The following RTN4IP1 variants were observed in gnomAD, a reference collection of about 807,000 sequenced individuals.
RTN4IP1 encodes reticulon 4 interacting protein 1, also known as NAD(P)H oxidoreductase RTN4IP1, mitochondrial.
In RTN4IP1, 32 loss-of-function variants were observed where a neutral mutation model predicts 46.6. That is an observed-to-expected ratio of 0.69 (90% CI 0.52 to 0.92). The LOEUF is 0.92. Among genes scored for constraint, RTN4IP1 ranks in the 40% least tolerant of loss-of-function variants. RTN4IP1 has a pLI of 0.00. For synonymous variants in RTN4IP1, 167 were observed against 161.8 expected, an observed-to-expected ratio of 1.03 and a Z score of -0.24; for missense variants, 424 against 485.8, an observed-to-expected ratio of 0.87 and a Z score of 1.20.
At chr6:106,580,646 G>C (rs1775344320) in intron 8 of RTN4IP1, among the ~76,000 whole-genome samples, 1 of 150,224 alleles carries the variant, frequency 6.7e-6, no homozygotes, top group Non-Finnish European at 1.5e-5. Context: ...TTGTACCCGG[G>C]AAGTGGAGGT....
intron 2 of RTN4IP1, among the ~76,000 whole-genome samples, chr6:106,621,797 G>GAGAC (rs2114680569): frequency 1.3e-5 from 2 of 152,256 alleles, no homozygotes; most frequent in South Asian, 4.1e-4. Context: ...TATTAGCTAT[G>GAGAC]AGACCTCTTT....
intron 5 of RTN4IP1, among the ~76,000 whole-genome samples, chr6:106,597,631 C>T (rs992802896): frequency 1.1e-4 from 16 of 151,738 alleles, no homozygotes; most frequent in African/African-American, 3.6e-4. Context: ...GGGTGAGCCA[C>T]TGTGCCCAGC....
chr6:106,624,946 A>AAAAAAGAAAAAGAAAAAG lies in RTN4IP1; in HGVS notation c.275-1995_275-1978dup, dbSNP rs200539847. Among the ~76,000 whole-genome samples the AAAAAAGAAAAAGAAAAAG allele has an allele frequency of 3.8e-5, 5 of 133,152 alleles. No homozygotes were observed. The East Asian group carries it at 8.8e-4, about 23-fold the overall frequency. 87.4% of individuals were successfully genotyped at this position (133,152 alleles called of 152,430 possible). A position where few individuals can be genotyped will look rare whatever the true frequency, so the allele number is the denominator to read the frequency against. ...GCAAAGCTCTGTCTCAAAAAAAAAA[A>AAAAAAGAAAAAGAAAAAG]AAAAAGAAAAAGAAAAAGAAAAAGA... On this transcript the variant is annotated intron_variant, in intron 1 of 8. Coordinates refer to ENST00000369063, the MANE Select transcript of RTN4IP1 (RefSeq NM_032730.5).
At position 106,572,020 on chromosome 6, in the gene RTN4IP1, T is replaced by C; in HGVS notation, c.1167A>G (p.Gly389=). The C allele has an allele frequency of 6.2e-7, 1 of 1,613,092 alleles. No individual in the cohort carries two copies. Among genetic ancestry groups the C allele is most frequent in the South Asian group, 1.1e-5 (1 of 91,064 alleles). Residue 389 remains glycine (G), a synonymous_variant, in exon 9 of 9, where the codon GGA becomes GGG. Transcript: ENST00000369063. The stretch of plus-strand genomic sequence containing the variant: ...TTTAAACAACATTAATTACAGTCTT[T>C]CCTCGTGCGTGTCCTCTTTCCACCT... ...FLKVERGHAR[G]KTVINVV is the part of the protein sequence containing the mutation.
chr6:106,575,440 G>A (rs548086888), intron 8 of RTN4IP1, among the ~76,000 whole-genome samples: 14 of 152,226 alleles, frequency 9.2e-5, no homozygotes, highest in Admixed American at 8.5e-4. Context: ...TAGGGACGAC[G>A]GGAACCTTAA....
chr6:106,583,514 A>C, intron 7 of RTN4IP1, 94 bp from the exon 8 acceptor site: 1 of 948,314 alleles, frequency 1.1e-6, no homozygotes, highest in African/African-American at 1.6e-5. Context: ...GATGACTACA[A>C]CAAACTGATT....
intron 6 of RTN4IP1, 122 bp from the exon 7 acceptor site, chr6:106,587,984 G>T: frequency 1.3e-6 from 1 of 798,644 alleles, no homozygotes; most frequent in Non-Finnish European, 1.9e-6. Context: ...AAACTGTGCT[G>T]CACCTCGCCA....
chr6:106,629,304 AGGGGGGGCGGGGC>A lies in RTN4IP1; in HGVS notation c.-296_-284del. ...TCACCCCCTCCACTTTAAAAAAAAA[AGGGGGGGCGGGGC>A]ATTAAAAAGCAGGTGCGCAAACCCC... On this transcript the variant is annotated 5_prime_UTR_variant, in exon 1 of 9. The change abolishes an upstream ATG in the 5' untranslated region. Coordinates refer to ENST00000369063, the MANE Select transcript of RTN4IP1 (RefSeq NM_032730.5). The A allele has an allele frequency of 5.3e-6, 2 of 377,276 alleles. No individual in the cohort carries two copies. Among genetic ancestry groups the A allele is most frequent in the Non-Finnish European group, 8.8e-6 (2 of 228,312 alleles). The allele number at this position is 377,276 out of a possible 1,614,324, so 23.4% of individuals were successfully genotyped here.
intron 1 of RTN4IP1, among the ~76,000 whole-genome samples, chr6:106,624,394 T>G (rs1221400773): frequency 6.6e-6 from 1 of 151,726 alleles, no homozygotes; most frequent in Non-Finnish European, 1.5e-5. Context: ...CTCACTCTGT[T>G]GCCCAAATGC....
chr6:106,612,920 C>T (rs926071544), intron 4 of RTN4IP1, among the ~76,000 whole-genome samples: 3 of 152,196 alleles, frequency 2.0e-5, no homozygotes, highest in African/African-American at 2.4e-5. Flanking sequence ...TCCAAACATG[C>T]GCTCGCCATT....
rs9486422 is a variant in RTN4IP1, at chr6:106,602,076, T to G, written c.669+798A>C. On this transcript the variant is annotated intron_variant, in intron 5 of 8. Transcript: ENST00000369063. ...TCAGGATCAATTGACCACAGAGGTA[T>G]GGGTTTATTTCTGGATGCTCAATTC... 1.9e-3 allele frequency among the ~76,000 whole-genome samples: 289 copies of G among 152,340 alleles called. 2 individuals carry two copies. The highest frequency in any genetic ancestry group is 6.6e-3 in the African/African-American group (276 of 41,592).
At chr6:106,601,140 T>C (rs1308343517) in intron 5 of RTN4IP1, among the ~76,000 whole-genome samples, 4 of 152,178 alleles carry the variant, frequency 2.6e-5, no homozygotes, top group Admixed American at 6.5e-5. Flanking sequence ...TATCTCACTG[T>C]GGTTTGGATT....
chr6:106,597,594 T>G (rs1276584206), intron 5 of RTN4IP1, among the ~76,000 whole-genome samples: 5 of 151,800 alleles, frequency 3.3e-5, no homozygotes, highest in Non-Finnish European at 7.4e-5. Context: ...TCTGCCCTCC[T>G]CAGCCTAGCA....
chr6:106,624,488 T>C (rs1456802478), intron 1 of RTN4IP1, among the ~76,000 whole-genome samples: 1 of 151,938 alleles, frequency 6.6e-6, no homozygotes, highest in African/African-American at 2.4e-5. Context: ...TAGTTGGGAT[T>C]ACAGGTGTGC....
intron 5 of RTN4IP1, among the ~76,000 whole-genome samples, chr6:106,597,688 TTTC>T (rs1240742517): frequency 2.0e-5 from 3 of 151,110 alleles, no homozygotes; most frequent in Non-Finnish European, 4.4e-5. Flanking sequence ...CTGCATTTTG[TTTC>T]TTTTTTTTTT....
At chr6:106,578,695 A>T (rs1352754388) in intron 8 of RTN4IP1, among the ~76,000 whole-genome samples, 1 of 152,174 alleles carries the variant, frequency 6.6e-6, no homozygotes, top group Non-Finnish European at 1.5e-5. Flanking sequence ...CGGGGAAAGA[A>T]CATTTGTCGG....
At position 106,624,532 on chromosome 6, in the gene RTN4IP1, T is replaced by G. The variant is rs959931683; in HGVS notation, c.275-1563A>C. 2.6e-5 allele frequency among the ~76,000 whole-genome samples: 4 copies of G among 151,516 alleles called. No individual in the cohort carries two copies. The South Asian group carries it at 8.4e-4, about 32-fold the overall frequency. ...TGGCTAATTTTGTAGAAACAGGGAT[T>G]CATCATGTTGGCCAGGCTGGTCTCA... is the stretch of plus-strand genomic sequence containing the variant. On this transcript the variant is annotated intron_variant, in intron 1 of 8. Transcript: ENST00000369063.
At position 106,583,316 on chromosome 6, in the gene RTN4IP1, A is replaced by G. The variant is rs1200558145; in HGVS notation, c.1083+12T>C. 6.2e-7 allele frequency: 1 copy of G among 1,608,092 alleles called. No individual in the cohort carries two copies. Among genetic ancestry groups the G allele is most frequent in the Non-Finnish European group, 8.5e-7 (1 of 1,175,178 alleles). The stretch of plus-strand genomic sequence containing the variant: ...ACAAAGGCTTCCAATCCAGGTTTCC[A>G]GGTGCACGTACCTTTCCCGCATCCA... On this transcript the variant is annotated intron_variant, in intron 8 of 8. Transcript: ENST00000369063.
chr6:106,586,095 T>C (rs776456645), intron 7 of RTN4IP1, among the ~76,000 whole-genome samples: 31 of 152,232 alleles, frequency 2.0e-4, no homozygotes, highest in South Asian at 6.2e-4. Context: ...TTCATAAGAA[T>C]TGAGTCGTGG....
Sources: gnomAD v4.1 joint callset for allele counts (sites outside exome capture counted in the v4.1 genomes callset) on GRCh38, gnomAD v4.1.1 for gene constraint, MANE v1.5 for transcripts, NCBI Gene and HGNC (gene_info 2026-07-23, HGNC 2026-07-21) for gene names.